CEP55: variants seen among roughly 807,000 people sequenced by gnomAD.
CEP55 encodes the protein centrosomal protein 55, also known as centrosomal protein of 55 kDa.
In CEP55, 57 loss-of-function variants were observed where a neutral mutation model predicts 63.2. The ratio of observed to expected loss-of-function variants is 0.90; its 90% CI spans 0.73 to 1.13. CEP55 has a LOEUF of 1.13. Ranked by LOEUF, CEP55 falls within the 50% of genes most tolerant of loss-of-function variation. The pLI is 0.00. For synonymous variants in CEP55, 178 were observed against 191.6 expected (o/e 0.93, Z 0.59); for missense variants, 456 against 518.9 (o/e 0.88, Z 1.18).
At chr10:93,522,287 A>G (rs1270832114) in intron 8 of CEP55, among the ~76,000 whole-genome samples, 10 of 152,250 alleles carry the variant, frequency 6.6e-5, no homozygotes, top group Admixed American at 6.5e-4. Flanking sequence ...CAACATGACG[A>G]ATGCACAAGC....
intron 5 of CEP55, among the ~76,000 whole-genome samples, chr10:93,516,551 C>T (rs1317486360): frequency 2.0e-5 from 3 of 151,930 alleles, no homozygotes; most frequent in African/African-American, 7.3e-5. Context: ...AGGACCTTGC[C>T]CTGTCTTTCC....
At chr10:93,524,888 A>C (rs1432179587) in intron 8 of CEP55, among the ~76,000 whole-genome samples, 1 of 152,202 alleles carries the variant, frequency 6.6e-6, no homozygotes. Flanking sequence ...AAAATTCAAC[A>C]GCCCTTCATG....
intron 3 of CEP55, among the ~76,000 whole-genome samples, chr10:93,504,759 C>G (rs1185459564): frequency 2.0e-5 from 3 of 152,068 alleles, no homozygotes; most frequent in Non-Finnish European, 4.4e-5. Flanking sequence ...GTTAGTTTCT[C>G]CACTTTTGGA....
chr10:93,502,205 G>A (rs2057642839), intron 2 of CEP55, among the ~76,000 whole-genome samples: 1 of 152,106 alleles, frequency 6.6e-6, no homozygotes, highest in African/African-American at 2.4e-5. Flanking sequence ...TCCTAAATAT[G>A]TTCTGGAAAA....
chr10:93,520,097 C>T (rs1469793959), intron 8 of CEP55: 1 of 403,794 alleles, frequency 2.5e-6, no homozygotes, highest in East Asian at 5.3e-5. Context: ...AGAGGGTAGT[C>T]ACAGAATCCT....
At chr10:93,524,203 A>T in intron 8 of CEP55, among the ~76,000 whole-genome samples, 1 of 139,936 alleles carries the variant, frequency 7.1e-6, no homozygotes. Context: ...CAAGACTAAT[A>T]AAGAAGAAAA....
At position 93,515,343 on chromosome 10, in the gene CEP55, T is replaced by C. The variant is rs2057792701; in HGVS notation, c.529-62T>C. ...AAAGACTACATCACTTGGACTCTCT[T>C]GCCCATTTTAAGATTTTGTTTTTTT... On this transcript the variant is annotated intron_variant, in intron 4 of 8. Coordinates refer to ENST00000371485, the MANE Select transcript of CEP55 (RefSeq NM_018131.5). 4 of 1,479,974 alleles carry C rather than the reference T, an allele frequency of 2.7e-6. No individual in the cohort carries two copies. In the Admixed American group the frequency reaches 7.6e-5, roughly 28 times the overall value. The allele number at this position is 1,479,974 out of a possible 1,614,324, so 91.7% of individuals were successfully genotyped here.
intron 1 of CEP55, 131 bp from the exon 2 acceptor site, chr10:93,499,909 C>A: frequency 1.7e-6 from 1 of 574,606 alleles, no homozygotes; most frequent in South Asian, 2.9e-5. Context: ...AGCCTCCATC[C>A]ATCTTTCTCC....
intron 1 of CEP55, among the ~76,000 whole-genome samples, chr10:93,499,723 T>C (rs2057612624): frequency 6.6e-6 from 1 of 152,122 alleles, no homozygotes; most frequent in Non-Finnish European, 1.5e-5. Context: ...AGTTTCACCA[T>C]GTTGGCCAGA....
At chr10:93,519,570 G>T in intron 7 of CEP55, 112 bp from the exon 8 acceptor site, 1 of 1,216,806 alleles carries the variant, frequency 8.2e-7, no homozygotes, top group Non-Finnish European at 1.2e-6. Context: ...TTCTTGCTAC[G>T]ATGGTACAAT....
In CEP55 at chr10:93,528,070, G is replaced by C; in HGVS notation, c.1312G>C (p.Val438Leu). Residue 438 changes from valine to leucine, a missense_variant, in exon 9 of 9, where the codon GTG (valine) becomes CTG (leucine). Val to Leu is a conservative substitution (Grantham distance 32). Coordinates refer to ENST00000371485, the MANE Select transcript of CEP55 (RefSeq NM_018131.5). ...SPTAALNESL[V>L]ECPKCNIQYP... Reference sequence around the variant, plus strand: ...CACTGCTGCACTCAATGAAAGCCTGGTGGAATGTCCCAAGTGCAATATACA... The same window carrying C: ...CACTGCTGCACTCAATGAAAGCCTGCTGGAATGTCCCAAGTGCAATATACA... 3.7e-6 allele frequency: 6 copies of C among 1,613,992 alleles called. No individual in the cohort carries two copies. Among genetic ancestry groups the C allele is most frequent in the Non-Finnish European group, 5.1e-6 (6 of 1,179,970 alleles).
chr10:93,506,481 A>G (rs972776138), intron 3 of CEP55, among the ~76,000 whole-genome samples: 3 of 151,938 alleles, frequency 2.0e-5, no homozygotes, highest in African/African-American at 7.3e-5. Flanking sequence ...TGTTTGGGAA[A>G]CTTCAGGGGA....
rs535559284 is a variant in CEP55 at position 93,498,001 on chromosome 10, A to G, written c.-13+1078A>G. ...GCCAGGCGTGGTGACGCGCACCTGT[A>G]GTCCCAGCTACTCAGGAGGCTGAGG... On this transcript the variant is annotated intron_variant, in intron 1 of 8. Coordinates refer to ENST00000371485, the MANE Select transcript of CEP55 (RefSeq NM_018131.5). 3.3e-5 allele frequency among the ~76,000 whole-genome samples: 5 copies of G among 152,222 alleles called. No individual in the cohort carries two copies. The South Asian group carries it at 1.0e-3, about 32-fold the overall frequency.
At chr10:93,514,192 C>T (rs900888356) in intron 4 of CEP55, among the ~76,000 whole-genome samples, 2 of 152,124 alleles carry the variant, frequency 1.3e-5, no homozygotes, top group Non-Finnish European at 2.9e-5. Context: ...CTCGGCCTCC[C>T]AAAGTGCTGG....
In CEP55 at chr10:93,528,922, T is replaced by G. The variant is rs2057952359; in HGVS notation, c.*769T>G. 1 of 152,242 alleles carries G rather than the reference T, an allele frequency of 6.6e-6. No individual in the cohort carries two copies. Among genetic ancestry groups the G allele is most frequent in the Non-Finnish European group, 1.5e-5 (1 of 68,048 alleles). 9.4% of individuals were successfully genotyped at this position (152,242 alleles called of 1,614,324 possible). A position where few individuals can be genotyped will look rare whatever the true frequency, so the allele number is the denominator to read the frequency against. On this transcript the variant is annotated 3_prime_UTR_variant, in exon 9 of 9. Coordinates refer to ENST00000371485, the MANE Select transcript of CEP55 (RefSeq NM_018131.5). ...TGATTGACAGTATTTTAGTTATTTTTGGCATTCTTAAAGCTGGGCAATGTA... is the reference window on the plus strand; with the variant it reads ...TGATTGACAGTATTTTAGTTATTTTGGGCATTCTTAAAGCTGGGCAATGTA...
At chr10:93,520,012 T>C in intron 8 of CEP55, 1 of 603,704 alleles carries the variant, frequency 1.7e-6, no homozygotes, top group Admixed American at 2.8e-5. Flanking sequence ...TCTGGAAACA[T>C]TCCCCCAACT....
chr10:93,527,058 T>C (rs1039219043), intron 8 of CEP55, among the ~76,000 whole-genome samples: 36 of 144,720 alleles, frequency 2.5e-4, no homozygotes, highest in African/African-American at 7.8e-4. Flanking sequence ...ATTGTGCACA[T>C]GTACCCTAAA....
At chr10:93,507,222 T>TC (rs1375329995) in intron 4 of CEP55, among the ~76,000 whole-genome samples, 166 bp downstream of exon 4, 4 of 131,564 alleles carry the variant, frequency 3.0e-5, no homozygotes, top group Non-Finnish European at 5.0e-5. Context: ...CTAAGCATAG[T>TC]CCCTTTTTTT....
At position 93,505,328 on chromosome 10, in the gene CEP55, T is replaced by C. The variant is rs569389727; in HGVS notation, c.460-1660T>C. On this transcript the variant is annotated intron_variant, in intron 3 of 8. Coordinates refer to ENST00000371485, the MANE Select transcript of CEP55 (RefSeq NM_018131.5). ...CATTTGACTCCAGGTTCCTTCCTTC[T>C]AGTGGCTCCACCTTCCTTTAGGGTA... 1.1e-4 allele frequency among the ~76,000 whole-genome samples: 16 copies of C among 152,330 alleles called. No homozygotes were observed. In the South Asian group the frequency reaches 1.7e-3, roughly 16 times the overall value.
Sources: gnomAD v4.1 joint callset for allele counts (sites outside exome capture counted in the v4.1 genomes callset) on GRCh38, gnomAD v4.1.1 for gene constraint, MANE v1.5 for transcripts, NCBI Gene and HGNC (gene_info 2026-07-23, HGNC 2026-07-21) for gene names.